Variants in SCG3 observed in about 807,000 individuals in gnomAD.
SCG3 encodes the protein secretogranin III, also known as secretogranin-3.
SCG3 carries 38 observed loss-of-function variants against 56.2 expected under a neutral mutation model. The observed-to-expected ratio is 0.68, with a 90% CI of 0.52 to 0.89. The LOEUF (loss-of-function observed/expected upper bound fraction) is 0.89, where lower values mean the gene tolerates loss of function less well. Among genes scored for constraint, SCG3 ranks in the 40% least tolerant of loss-of-function variants. The pLI, the probability that SCG3 is intolerant of heterozygous loss-of-function variation, is 0.00. For missense variants in SCG3, 524 were observed against 540.7 expected, an observed-to-expected ratio of 0.97 and a Z score of 0.31; for synonymous variants, 176 against 184.2, an observed-to-expected ratio of 0.96 and a Z score of 0.36.
intron 10 of SCG3, 127 bp from the exon 11 acceptor site, chr15:51,713,206 T>G: frequency 1.6e-6 from 1 of 644,492 alleles, no homozygotes; most frequent in African/African-American, 1.9e-5. Context: ...CATTACCTAG[T>G]TAGGGAAACA....
chr15:51,685,367 A>G (rs1391135334), intron 4 of SCG3, among the ~76,000 whole-genome samples: 1 of 152,226 alleles, frequency 6.6e-6, no homozygotes, highest in African/African-American at 2.4e-5. Context: ...TTGTACATGC[A>G]GGCAGAGACA....
chr15:51,696,298 C>T (rs962621755), intron 8 of SCG3, among the ~76,000 whole-genome samples: 13 of 152,040 alleles, frequency 8.6e-5, no homozygotes, highest in African/African-American at 2.9e-4. Context: ...ACCTGTAATC[C>T]CAGCACTTTG....
intron 10 of SCG3, among the ~76,000 whole-genome samples, chr15:51,702,220 T>C (rs1006042751): frequency 2.0e-5 from 3 of 152,332 alleles, no homozygotes; most frequent in Admixed American, 2.0e-4. Flanking sequence ...AATATATCTA[T>C]GCAATATATA....
At chr15:51,716,832 G>A (rs1234668847) in intron 11 of SCG3, among the ~76,000 whole-genome samples, 1 of 152,212 alleles carries the variant, frequency 6.6e-6, no homozygotes, top group Non-Finnish European at 1.5e-5. Context: ...CCAAAAGAGT[G>A]CCCCTTCCTT....
chr15:51,703,953 T>C (rs536060552), intron 10 of SCG3, among the ~76,000 whole-genome samples: 71 of 152,202 alleles, frequency 4.7e-4, no homozygotes, highest in African/African-American at 1.7e-3. Context: ...CCTACATTTT[T>C]TCCTACATTG....
chr15:51,697,661 G>A lies in SCG3; in HGVS notation c.986-1658G>A, dbSNP rs942636703. On this transcript the variant is annotated intron_variant, in intron 8 of 11. Transcript: ENST00000220478. ...AGATACTCCACAAGAGGAGACTAAAGTAAATTATTTATTTATTTTTATGAT... is the reference window on the plus strand; with the variant it reads ...AGATACTCCACAAGAGGAGACTAAAATAAATTATTTATTTATTTTTATGAT... Among the ~76,000 whole-genome samples, 3 of 152,136 alleles carry A rather than the reference G, an allele frequency of 2.0e-5. No individual in the cohort carries two copies. The East Asian group carries it at 5.8e-4, about 29-fold the overall frequency.
Position 51,692,185 on chromosome 15 carries a change from T to C in SCG3, c.717T>C (p.Gly239=), listed in dbSNP as rs1319027734. 2 of 1,611,910 alleles carry C rather than the reference T, an allele frequency of 1.2e-6. No homozygotes were observed. Among genetic ancestry groups the C allele is most frequent in the Non-Finnish European group, 8.5e-7 (1 of 1,179,018 alleles). ...CTCCAATGGCAGCAATTCAAGATGG[T>C]CTTGCTAAGGGAGAAAACGATGAAA... The part of the protein sequence containing the change: ...KVTPMAAIQD[G]LAKGENDETV... Residue 239 remains glycine (G), a synonymous_variant, in exon 7 of 12, where the codon GGT becomes GGC. Coordinates refer to ENST00000220478, the MANE Select transcript of SCG3 (RefSeq NM_013243.4).
chr15:51,713,802 CTG>C (rs2055436392), intron 11 of SCG3, among the ~76,000 whole-genome samples: 1 of 152,158 alleles, frequency 6.6e-6, no homozygotes, highest in African/African-American at 2.4e-5. Flanking sequence ...TTTGTGCACC[CTG>C]CAGTCACAAA....
intron 7 of SCG3, among the ~76,000 whole-genome samples, chr15:51,693,050 C>G (rs1391766187): frequency 6.6e-6 from 1 of 152,112 alleles, no homozygotes; most frequent in Non-Finnish European, 1.5e-5. Context: ...ATTTTTCCCT[C>G]CCCTTAGCCC....
intron 10 of SCG3, among the ~76,000 whole-genome samples, chr15:51,704,796 C>T (rs376491762): frequency 0.078 from 2,903 of 37,240 alleles, 7 homozygotes; most frequent in Non-Finnish European, 0.14. Flanking sequence ...TATATATATA[C>T]ATCTCTCTTT....
chr15:51,711,792 A>G (rs1249846736), intron 10 of SCG3, among the ~76,000 whole-genome samples: 3 of 152,186 alleles, frequency 2.0e-5, no homozygotes, highest in Non-Finnish European at 4.4e-5. Context: ...TGAAGTAAAT[A>G]AGGACTAAAA....
intron 10 of SCG3, chr15:51,708,204 A>G (rs1421295594): frequency 6.6e-6 from 1 of 152,194 alleles, no homozygotes; most frequent in African/African-American, 2.4e-5. Context: ...AAAATAGTCC[A>G]GCTTTCCAAA....
chr15:51,705,518 T>C (rs956294185), intron 10 of SCG3, among the ~76,000 whole-genome samples: 7 of 151,818 alleles, frequency 4.6e-5, no homozygotes, highest in African/African-American at 1.7e-4. Flanking sequence ...CATTTAGTGT[T>C]ATTCTTTTTT....
At chr15:51,718,183 T>A (rs74015715) in intron 11 of SCG3, among the ~76,000 whole-genome samples, 1,436 of 134,694 alleles carry the variant, frequency 0.011, 25 homozygotes, top group African/African-American at 0.04. Flanking sequence ...GATGGATGGA[T>A]GGATAGATAG....
intron 7 of SCG3, chr15:51,693,379 C>T (rs2055281006): frequency 2.0e-5 from 3 of 152,178 alleles, no homozygotes; most frequent in Admixed American, 2.0e-4. Context: ...AAATGGAGAA[C>T]ATTAGACTGA....
chr15:51,713,829 T>C (rs1246796831), intron 11 of SCG3, among the ~76,000 whole-genome samples: 2 of 152,188 alleles, frequency 1.3e-5, no homozygotes, highest in Non-Finnish European at 2.9e-5. Context: ...GTCACTCGCT[T>C]ACATAAAGCA....
At chr15:51,706,383 G>C (rs980419229) in intron 10 of SCG3, among the ~76,000 whole-genome samples, 1 of 152,210 alleles carries the variant, frequency 6.6e-6, no homozygotes, top group Admixed American at 6.5e-5. Context: ...ATGCTGGCAA[G>C]TGCAACACAG....
intron 8 of SCG3, 112 bp from the exon 9 acceptor site, chr15:51,699,207 A>C (rs150355002): frequency 1.3e-6 from 1 of 741,462 alleles, no homozygotes; most frequent in African/African-American, 1.8e-5. Context: ...AGGAGTGTTA[A>C]TATTTTGGAG....
At chr15:51,713,124 C>A in intron 10 of SCG3, 1 of 359,328 alleles carries the variant, frequency 2.8e-6, no homozygotes, top group Non-Finnish European at 5.1e-6. Flanking sequence ...CTCCTGGAAC[C>A]TCATCCGCAC....
Sources: gnomAD v4.1 joint callset for allele counts (sites outside exome capture counted in the v4.1 genomes callset) on GRCh38, gnomAD v4.1.1 for gene constraint, MANE v1.5 for transcripts, NCBI Gene and HGNC (gene_info 2026-07-23, HGNC 2026-07-21) for gene names.